AUTS2: variants seen among roughly 807,000 people sequenced by gnomAD.
The protein encoded by AUTS2 is autism susceptibility gene 2 protein.
Under a neutral mutation model 112.4 loss-of-function variants are expected in AUTS2, and 17 were observed. The observed-to-expected ratio is 0.15, with a 90% CI of 0.10 to 0.23. The LOEUF is 0.23. AUTS2 is among the 10% of genes least tolerant of loss of function. The pLI, the probability that AUTS2 is intolerant of heterozygous loss-of-function variation, is 1.00. For synonymous variants in AUTS2, 751 were observed against 702.7 expected (o/e 1.07, Z -1.09); for missense variants, 1,510 against 1,701.6 (o/e 0.89, Z 1.98).
At chr7:69,693,946 C>T (rs914900578) in intron 1 of AUTS2, among the ~76,000 whole-genome samples, 1 of 152,116 alleles carries the variant, frequency 6.6e-6, no homozygotes, top group East Asian at 1.9e-4. Flanking sequence ...CCTGCTAAAA[C>T]TTGGGAACCA....
chr7:70,673,968 C>T (rs896440242), intron 5 of AUTS2, among the ~76,000 whole-genome samples: 1 of 152,180 alleles, frequency 6.6e-6, no homozygotes, highest in African/African-American at 2.4e-5. Context: ...AGATAGGATC[C>T]TGAGCTTCAG....
chr7:70,155,527 C>T (rs1807699955), intron 4 of AUTS2, among the ~76,000 whole-genome samples: 1 of 150,690 alleles, frequency 6.6e-6, no homozygotes, highest in Admixed American at 6.6e-5. Context: ...CACTCTTGTG[C>T]CAGTAAAGCC....
intron 1 of AUTS2, among the ~76,000 whole-genome samples, chr7:69,614,365 T>TCTCTTTCTTTCTTTC (rs1562759931): frequency 6.2e-5 from 2 of 32,068 alleles, no homozygotes; most frequent in Non-Finnish European, 1.8e-4. Flanking sequence ...TCTTTCTTTC[T>TCTCTTTCTTTCTTTC]TTTTTTAAGA....
chr7:69,927,551 T>C (rs952850699), intron 2 of AUTS2, among the ~76,000 whole-genome samples: 14 of 152,202 alleles, frequency 9.2e-5, no homozygotes, highest in Non-Finnish European at 1.8e-4. Flanking sequence ...GTTTTTCTCA[T>C]TCCTGCTGGG....
At chr7:70,339,111 C>T (rs563269632) in intron 4 of AUTS2, among the ~76,000 whole-genome samples, 1 of 152,198 alleles carries the variant, frequency 6.6e-6, no homozygotes, top group South Asian at 2.1e-4. Flanking sequence ...GATCCGCCCG[C>T]CTCAGCCTCC....
intron 2 of AUTS2, among the ~76,000 whole-genome samples, chr7:70,029,260 C>CT (rs34751901): frequency 0.11 from 13,152 of 124,746 alleles, 771 homozygotes; most frequent in African/African-American, 0.14. Context: ...TCCAGGGATA[C>CT]TTTTTTTTTT....
intron 4 of AUTS2, among the ~76,000 whole-genome samples, chr7:70,196,086 C>T (rs958574036): frequency 2.0e-5 from 3 of 152,200 alleles, no homozygotes; most frequent in African/African-American, 4.8e-5. Flanking sequence ...TAGCTCCCCC[C>T]TCCCCTTTTT....
chr7:69,839,209 CTT>C (rs929485901), intron 1 of AUTS2, among the ~76,000 whole-genome samples: 18 of 152,180 alleles, frequency 1.2e-4, no homozygotes, highest in Admixed American at 1.2e-3. Context: ...GAATTGCTAA[CTT>C]TTCACTGGCT....
chr7:70,561,891 A>G (rs1214187981), intron 5 of AUTS2, among the ~76,000 whole-genome samples: 3 of 151,470 alleles, frequency 2.0e-5, no homozygotes, highest in Non-Finnish European at 2.9e-5. Flanking sequence ...TTGACATTGC[A>G]TCTCCAGTGT....
At chr7:70,115,344 TTAGTTTTTTAAA>T in intron 2 of AUTS2, among the ~76,000 whole-genome samples, 1 of 152,324 alleles carries the variant, frequency 6.6e-6, no homozygotes, top group East Asian at 1.9e-4. Flanking sequence ...GTTTTTATTA[TTAGTTTTTTAAA>T]TAGAGACGGG....
chr7:70,131,736 C>T (rs536387308), intron 3 of AUTS2, among the ~76,000 whole-genome samples: 2 of 151,938 alleles, frequency 1.3e-5, no homozygotes, highest in Non-Finnish European at 2.9e-5. Context: ...AAATATATGA[C>T]AGAGACTCTT....
chr7:69,620,669 T>C (rs1340588495), intron 1 of AUTS2, among the ~76,000 whole-genome samples: 1 of 152,228 alleles, frequency 6.6e-6, no homozygotes, highest in Non-Finnish European at 1.5e-5. Context: ...TCTAAAATAC[T>C]AAAAAAGCAA....
chr7:69,729,130 G>A (rs1292114767), intron 1 of AUTS2, among the ~76,000 whole-genome samples: 1 of 152,008 alleles, frequency 6.6e-6, no homozygotes, highest in Non-Finnish European at 1.5e-5. Flanking sequence ...AAGGGTTGAA[G>A]CATTTTAGAC....
At chr7:69,778,607 C>T (rs1396133130) in intron 1 of AUTS2, among the ~76,000 whole-genome samples, 1 of 151,956 alleles carries the variant, frequency 6.6e-6, no homozygotes, top group East Asian at 1.9e-4. Context: ...TGTGGACAGA[C>T]CAGAGGAGTT....
chr7:69,724,324 A>G (rs991722812), intron 1 of AUTS2, among the ~76,000 whole-genome samples: 2 of 152,222 alleles, frequency 1.3e-5, no homozygotes, highest in Non-Finnish European at 2.9e-5. Context: ...GCAACCTGCT[A>G]TAGACCTTGG....
intron 5 of AUTS2, among the ~76,000 whole-genome samples, chr7:70,515,665 A>G (rs1799385448): frequency 6.6e-6 from 1 of 151,398 alleles, no homozygotes; most frequent in Admixed American, 6.6e-5. Context: ...TGTTCCCTTC[A>G]TGCCACCTTG....
intron 5 of AUTS2, among the ~76,000 whole-genome samples, chr7:70,523,870 T>A (rs1230717863): frequency 2.0e-5 from 3 of 152,180 alleles, no homozygotes; most frequent in Non-Finnish European, 4.4e-5. Context: ...AGAGGGTGGC[T>A]TAGATCTTTC....
chr7:70,564,715 A>G (rs914789284), intron 5 of AUTS2, among the ~76,000 whole-genome samples: 1 of 152,182 alleles, frequency 6.6e-6, no homozygotes, highest in Non-Finnish European at 1.5e-5. Context: ...GCTCTTGAAC[A>G]TATTATTGTG....
In AUTS2 at chr7:70,791,097, G is replaced by A. The variant is rs937403154; in HGVS notation, c.*101G>A. The A allele has an allele frequency of 2.5e-6, 3 of 1,200,596 alleles. No homozygotes were observed. The highest frequency in any genetic ancestry group is 1.6e-5 in the African/African-American group (1 of 64,474). 74.4% of individuals were successfully genotyped at this position (1,200,596 alleles called of 1,614,324 possible). ...TGCATGGCTCACACAGACTGGGGGG[G>A]AAAGCCCCACCCCTTCCCCTTGTAA... On this transcript the variant is annotated 3_prime_UTR_variant, in exon 19 of 19. Transcript: ENST00000342771.
Sources: gnomAD v4.1 joint callset for allele counts (sites outside exome capture counted in the v4.1 genomes callset) on GRCh38, gnomAD v4.1.1 for gene constraint, MANE v1.5 for transcripts, NCBI Gene and HGNC (gene_info 2026-07-23, HGNC 2026-07-21) for gene names.